The following PDX1 variants were observed in gnomAD, a reference collection of about 807,000 sequenced individuals.
PDX1 encodes the protein pancreas/duodenum homeobox protein 1.
Under a neutral mutation model 11.1 loss-of-function variants are expected in PDX1, and 7 were observed. The observed-to-expected ratio is 0.63, with a 90% CI of 0.36 to 1.19. PDX1 has a LOEUF of 1.19. Among genes scored for constraint, PDX1 ranks in the 50% most tolerant of loss-of-function variants. The pLI is 0.02. For missense variants in PDX1, 449 were observed against 412.1 expected (o/e 1.09, Z -0.78); for synonymous variants, 232 against 196.2 (o/e 1.18, Z -1.53).
chr13:27,920,319 A>G lies in PDX1; in HGVS notation c.181A>G (p.Ser61Gly), dbSNP rs1957773758. 6.5e-7 allele frequency: 1 copy of G among 1,541,860 alleles called. No homozygotes were observed. Among genetic ancestry groups the G allele is most frequent in the Non-Finnish European group, 8.8e-7 (1 of 1,142,630 alleles). Residue 61 changes from serine (S) to glycine (G), a missense_variant, in exon 1 of 2, where the codon AGC (serine) becomes GGC (glycine). By Grantham distance (56) the Ser-to-Gly change is moderately conservative. Transcript: ENST00000381033. Reference protein sequence around the residue: ...PGALGALEQGSPPDISPYEVP... With the variant: ...PGALGALEQGGPPDISPYEVP... ...CGCCCTGGGCGCGCTGGAGCAGGGC[A>G]GCCCCCCGGACATCTCCCCGTACGA...
At chr13:27,922,186 T>C (rs1296255667) in intron 1 of PDX1, among the ~76,000 whole-genome samples, 2 of 152,242 alleles carry the variant, frequency 1.3e-5, no homozygotes. Flanking sequence ...GGACTTGGGC[T>C]TAGGCTGACC....
rs979495186 is a variant in PDX1 at position 27,924,166 on chromosome 13, C to T, written c.407-90C>T. 1.5e-5 allele frequency: 17 copies of T among 1,168,416 alleles called. No homozygotes were observed. In the South Asian group the frequency reaches 1.6e-4, roughly 11 times the overall value. 72.4% of individuals were successfully genotyped at this position (1,168,416 alleles called of 1,614,324 possible). A position where few individuals can be genotyped will look rare whatever the true frequency, so the allele number is the denominator to read the frequency against. The stretch of plus-strand genomic sequence containing the variant: ...GCGGGAGCAGCTGGTAGGGCTAGGG[C>T]TCCCTGGCCCCCCTTGAAGGGGTTG... On this transcript the variant is annotated intron_variant, in intron 1 of 1. Coordinates refer to ENST00000381033, the MANE Select transcript of PDX1 (RefSeq NM_000209.4). The surrounding 1 kb of genome is among the most constrained non-coding windows in gnomAD (Gnocchi z 4.8).
At chr13:27,922,045 G>C (rs1224296968) in intron 1 of PDX1, among the ~76,000 whole-genome samples, 1 of 152,170 alleles carries the variant, frequency 6.6e-6, no homozygotes, top group African/African-American at 2.4e-5. Context: ...GGCCTCCTAG[G>C]CCCTCGGAGC....
rs754867917 is a variant in PDX1, at chr13:27,924,512, G to A, written c.663G>A (p.Ala221=). The part of the protein sequence containing the change: ...GGTAVGGGGV[A]EPEQDCAVTS... ...CAGCTGTCGGGGGTGGCGGGGTCGC[G>A]GAGCCTGAGCAGGACTGCGCCGTGA... The change falls in exon 2 of 2, where the codon GCG becomes GCA. Residue 221 remains alanine, a synonymous_variant. Transcript: ENST00000381033. The surrounding 1 kb of genome is among the most constrained non-coding windows in gnomAD (Gnocchi z 4.8). 3.1e-5 allele frequency: 50 copies of A among 1,609,900 alleles called. No homozygotes were observed. Among genetic ancestry groups the A allele is most frequent in the Non-Finnish European group, 4.0e-5 (47 of 1,178,918 alleles).
Position 27,924,998 on chromosome 13 carries a change from C to G in PDX1, c.*297C>G, listed in dbSNP as rs1286776939. 5.6e-6 allele frequency: 2 copies of G among 359,816 alleles called. No homozygotes were observed. Among genetic ancestry groups the G allele is most frequent in the Non-Finnish European group, 4.9e-6 (1 of 203,900 alleles). 22.3% of individuals were successfully genotyped at this position (359,816 alleles called of 1,614,324 possible). A position where few individuals can be genotyped will look rare whatever the true frequency, so the allele number is the denominator to read the frequency against. ...TTGTTTGTGGCTGTTGCGCACATCC[C>G]TGCCCTCCTACAGCACTCCACCTTG... On this transcript the variant is annotated 3_prime_UTR_variant, in exon 2 of 2. Coordinates refer to ENST00000381033, the MANE Select transcript of PDX1 (RefSeq NM_000209.4). The surrounding 1 kb of genome is among the most constrained non-coding windows in gnomAD (Gnocchi z 4.8).
rs1957820952 is a variant in PDX1 at position 27,925,739 on chromosome 13, G to T, written c.*1038G>T. 6.3e-6 allele frequency: 1 copy of T among 158,782 alleles called. No individual in the cohort carries two copies. The highest frequency in any genetic ancestry group is 1.4e-5 in the Non-Finnish European group (1 of 72,582). 9.8% of individuals were successfully genotyped at this position (158,782 alleles called of 1,614,324 possible). A position where few individuals can be genotyped will look rare whatever the true frequency, so the allele number is the denominator to read the frequency against. On this transcript the variant is annotated 3_prime_UTR_variant, in exon 2 of 2. Coordinates refer to ENST00000381033, the MANE Select transcript of PDX1 (RefSeq NM_000209.4). Reference sequence around the variant, plus strand: ...TTCTGAGGAAGAGAACATCTTGCAAGGCAGGGCGAGCAGCGGCAGGGCTGG... The same window carrying T: ...TTCTGAGGAAGAGAACATCTTGCAATGCAGGGCGAGCAGCGGCAGGGCTGG...
In PDX1 at chr13:27,920,040, C is replaced by G; in HGVS notation, c.-99C>G. 1 of 1,422,924 alleles carries G rather than the reference C, an allele frequency of 7.0e-7. No individual in the cohort carries two copies. The highest frequency in any genetic ancestry group is 9.7e-7 in the Non-Finnish European group (1 of 1,034,080). 88.1% of individuals were successfully genotyped at this position (1,422,924 alleles called of 1,614,324 possible). Reference sequence around the variant, plus strand: ...CTGTCAAAGCGAGCAGGGGTGGCGCCGGGAGTGGGAACGCCACACAGTGCC... The same window carrying G: ...CTGTCAAAGCGAGCAGGGGTGGCGCGGGGAGTGGGAACGCCACACAGTGCC... On this transcript the variant is annotated 5_prime_UTR_variant, in exon 1 of 2. Transcript: ENST00000381033.
rs1266941220 is a variant in PDX1 at position 27,920,234 on chromosome 13, C to T, written c.96C>T (p.Pro32=). 3 of 1,548,304 alleles carry T rather than the reference C, an allele frequency of 1.9e-6. No individual in the cohort carries two copies. The highest frequency in any genetic ancestry group is 2.0e-5 in the Admixed American group (1 of 50,924). Residue 32 remains proline, a synonymous_variant, in exon 1 of 2, where the codon CCC becomes CCT. Coordinates refer to ENST00000381033, the MANE Select transcript of PDX1 (RefSeq NM_000209.4). ...CGGCGCCGGAGTTCAGCGCCAGCCC[C>T]CCTGCGTGCCTGTACATGGGCCGCC... ...RGPAPEFSAS[P]PACLYMGRQP...
Position 27,920,058 on chromosome 13 carries a change from A to T in PDX1, c.-81A>T. 6.6e-7 allele frequency: 1 copy of T among 1,512,432 alleles called. No homozygotes were observed. Among genetic ancestry groups the T allele is most frequent in the Non-Finnish European group, 9.0e-7 (1 of 1,114,508 alleles). The allele number at this position is 1,512,432 out of a possible 1,614,324, so 93.7% of individuals were successfully genotyped here. A position where few individuals can be genotyped will look rare whatever the true frequency, so the allele number is the denominator to read the frequency against. On this transcript the variant is annotated 5_prime_UTR_variant, in exon 1 of 2. Transcript: ENST00000381033. ...GTGGCGCCGGGAGTGGGAACGCCAC[A>T]CAGTGCCAAATCCCCGGCTCCAGCT...
chr13:27,920,209 C>A lies in PDX1; in HGVS notation c.71C>A (p.Pro24Gln). The part of the protein sequence containing the change: ...YKDPCAFQRG[P>Q]APEFSASPPA... ...GACCCATGCGCGTTCCAGCGAGGCC[C>A]GGCGCCGGAGTTCAGCGCCAGCCCC... Residue 24 changes from proline to glutamine, a missense_variant, in exon 1 of 2, where the codon CCG (proline) becomes CAG (glutamine). Pro to Gln is a moderately conservative substitution (Grantham distance 76). Around this residue, in one of 3 missense-constraint regions of PDX1, gnomAD observed 263 missense variants for 212.5 expected, o/e 1.24. Coordinates refer to ENST00000381033, the MANE Select transcript of PDX1 (RefSeq NM_000209.4). The A allele has an allele frequency of 6.5e-7, 1 of 1,549,382 alleles. No individual in the cohort carries two copies. The highest frequency in any genetic ancestry group is 8.7e-7 in the Non-Finnish European group (1 of 1,146,480).
At chr13:27,922,647 C>T (rs1013015478) in intron 1 of PDX1, among the ~76,000 whole-genome samples, 1 of 152,144 alleles carries the variant, frequency 6.6e-6, no homozygotes, top group East Asian at 1.9e-4. Context: ...CCTTTTCCCA[C>T]CATCCTCAAC....
At position 27,920,130 on chromosome 13, in the gene PDX1, G is replaced by A; in HGVS notation, c.-9G>A. 2 of 1,549,522 alleles carry A rather than the reference G, an allele frequency of 1.3e-6. No individual in the cohort carries two copies. Among genetic ancestry groups the A allele is most frequent in the Non-Finnish European group, 8.7e-7 (1 of 1,146,604 alleles). On this transcript the variant is annotated 5_prime_UTR_variant, in exon 1 of 2. Coordinates refer to ENST00000381033, the MANE Select transcript of PDX1 (RefSeq NM_000209.4). Reference sequence around the variant, plus strand: ...CCCGGCTCCCGGTGCCCAATCCCGGGCCGCAGCCATGAACGGCGAGGAGCA... The same window carrying A: ...CCCGGCTCCCGGTGCCCAATCCCGGACCGCAGCCATGAACGGCGAGGAGCA...
chr13:27,922,558 C>T (rs542842323), intron 1 of PDX1, among the ~76,000 whole-genome samples: 1 of 152,364 alleles, frequency 6.6e-6, no homozygotes, highest in African/African-American at 2.4e-5. Context: ...CCCCCAAATG[C>T]TTCAGCAGCG....
Position 27,924,455 on chromosome 13 carries a change from A to G in PDX1, c.606A>G (p.Lys202=), listed in dbSNP as rs1198442784. 3.1e-6 allele frequency: 5 copies of G among 1,613,164 alleles called. No homozygotes were observed. The Admixed American group carries it at 6.7e-5, about 22-fold the overall frequency. The change falls in exon 2 of 2, where the codon AAA becomes AAG. Residue 202 remains lysine, a synonymous_variant. Coordinates refer to ENST00000381033, the MANE Select transcript of PDX1 (RefSeq NM_000209.4). This position sits in a 1 kb window ranked among gnomAD's most constrained non-coding sequence, Gnocchi z 4.8. ...TCCAAAACCGCCGCATGAAGTGGAA[A>G]AAGGAGGAGGACAAGAAGCGCGGCG... is the stretch of plus-strand genomic sequence containing the variant. ...IWFQNRRMKW[K]KEEDKKRGGG...
chr13:27,924,135 G>T lies in PDX1; in HGVS notation c.407-121G>T, dbSNP rs547784986. 1.2e-6 allele frequency: 1 copy of T among 813,296 alleles called. No individual in the cohort carries two copies. The highest frequency in any genetic ancestry group is 1.8e-6 in the Non-Finnish European group (1 of 542,040). The allele number at this position is 813,296 out of a possible 1,614,324, so 50.4% of individuals were successfully genotyped here. A position where few individuals can be genotyped will look rare whatever the true frequency, so the allele number is the denominator to read the frequency against. On this transcript the variant is annotated intron_variant, in intron 1 of 1. Transcript: ENST00000381033. The surrounding 1 kb of genome is among the most constrained non-coding windows in gnomAD (Gnocchi z 4.8). ...TGAAATGGGATGCTGGGGCTTGGTG[G>T]CTCCGGCGGGAGCAGCTGGTAGGGC... is the stretch of plus-strand genomic sequence containing the variant.
In PDX1 at chr13:27,924,588, G is replaced by A; in HGVS notation, c.739G>A (p.Ala247Thr). ...GCCGCCGCCGCCGCCCCCCGGAGGT[G>A]CTGTGCCGCCCGCTGCCCCCGTTGC... is the stretch of plus-strand genomic sequence containing the variant. ...ALPPPPPPGGAVPPAAPVAAR... is the reference protein window; with the variant it reads ...ALPPPPPPGGTVPPAAPVAAR... The change falls in exon 2 of 2, where the codon GCT (alanine) becomes ACT (threonine). Residue 247 changes from alanine to threonine, a missense_variant. Ala to Thr is a moderately conservative substitution (Grantham distance 58). Around this residue, in one of 3 missense-constraint regions of PDX1, gnomAD observed 139 missense variants for 121.4 expected, o/e 1.14. Transcript: ENST00000381033. The surrounding 1 kb of genome is among the most constrained non-coding windows in gnomAD (Gnocchi z 4.8). 6.8e-7 allele frequency: 1 copy of A among 1,479,078 alleles called. No homozygotes were observed. Among genetic ancestry groups the A allele is most frequent in the South Asian group, 1.4e-5 (1 of 73,236 alleles). 91.6% of individuals were successfully genotyped at this position (1,479,078 alleles called of 1,614,324 possible). A position where few individuals can be genotyped will look rare whatever the true frequency, so the allele number is the denominator to read the frequency against.
Position 27,924,686 on chromosome 13 carries a change from G to C in PDX1, c.837G>C (p.Pro279=). The C allele has an allele frequency of 6.8e-7, 1 of 1,470,346 alleles. No individual in the cohort carries two copies. The highest frequency in any genetic ancestry group is 9.0e-7 in the Non-Finnish European group (1 of 1,116,162). 91.1% of individuals were successfully genotyped at this position (1,470,346 alleles called of 1,614,324 possible). The change falls in exon 2 of 2, where the codon CCG becomes CCC. Residue 279 remains proline, a synonymous_variant. Coordinates refer to ENST00000381033, the MANE Select transcript of PDX1 (RefSeq NM_000209.4). This position sits in a 1 kb window ranked among gnomAD's most constrained non-coding sequence, Gnocchi z 4.8. ...CCTCCAGCGTCGCGCCTCGGCGGCCGCAGGAACCACGATGAGAGGCAGGAG... is the reference window on the plus strand; with the variant it reads ...CCTCCAGCGTCGCGCCTCGGCGGCCCCAGGAACCACGATGAGAGGCAGGAG... ...PQPSSVAPRR[P]QEPR
chr13:27,921,056 G>T (rs4430606), intron 1 of PDX1, among the ~76,000 whole-genome samples: 32,750 of 152,136 alleles, frequency 0.22, 4,006 homozygotes, highest in East Asian at 0.44. Flanking sequence ...GTGCAGAAAG[G>T]CAGGGAGGGA....
chr13:27,924,441 C>T lies in PDX1; in HGVS notation c.592C>T (p.Arg198Cys). Residue 198 changes from arginine (R) to cysteine (C), a missense_variant, in exon 2 of 2, where the codon CGC (arginine) becomes TGC (cysteine). Coordinates refer to ENST00000381033, the MANE Select transcript of PDX1 (RefSeq NM_000209.4). The surrounding 1 kb of genome is among the most constrained non-coding windows in gnomAD (Gnocchi z 4.8). The part of the protein sequence containing the change: ...RHIKIWFQNR[R>C]MKWKKEEDKK... ...CATCAAGATCTGGTTCCAAAACCGC[C>T]GCATGAAGTGGAAAAAGGAGGAGGA... 3 of 1,613,282 alleles carry T rather than the reference C, an allele frequency of 1.9e-6. No individual in the cohort carries two copies. Among genetic ancestry groups the T allele is most frequent in the Non-Finnish European group, 2.5e-6 (3 of 1,179,914 alleles).
Sources: gnomAD v4.1 joint callset for allele counts (sites outside exome capture counted in the v4.1 genomes callset) on GRCh38, gnomAD v4.1.1 for gene constraint, gnomAD v4.1.1 regional missense constraint, Gnocchi (gnomAD v3.1) non-coding constraint, MANE v1.5 for transcripts, NCBI Gene and HGNC (gene_info 2026-07-23, HGNC 2026-07-21) for gene names.